The following IL12A variants were observed in gnomAD, a reference collection of about 807,000 sequenced individuals.
The protein encoded by IL12A is interleukin 12A, also known as interleukin-12 subunit alpha.
IL12A carries 16 observed loss-of-function variants against 23.5 expected under a neutral mutation model. That is an observed-to-expected ratio of 0.68 (90% CI 0.46 to 1.03). The LOEUF (loss-of-function observed/expected upper bound fraction) is 1.03. IL12A is among the 50% of genes least tolerant of loss of function. The pLI is 0.00. For missense variants in IL12A, 275 were observed against 307.0 expected (o/e 0.90, Z 0.78); for synonymous variants, 106 against 111.5 (o/e 0.95, Z 0.31).
rs1297077083 is a variant in IL12A, at chr3:159,993,041, C to A, written c.294C>A (p.Cys98Ter). 1 of 1,605,766 alleles carries A rather than the reference C, an allele frequency of 6.2e-7. No homozygotes were observed. The change falls in exon 3 of 7, where the codon TGC (cysteine) becomes TGA (stop). Residue 98 changes from cysteine (C) to a stop codon, truncating the protein, a stop_gained. Coordinates refer to ENST00000305579, the MANE Select transcript of IL12A (RefSeq NM_000882.4). LOFTEE classifies it high-confidence loss of function. Reference sequence around the variant, plus strand: ...GACAAACTCTAGAATTTTACCCTTGCACTTCTGAAGAGATTGATCATGAAG... The same window carrying A: ...GACAAACTCTAGAATTTTACCCTTGAACTTCTGAAGAGATTGATCATGAAG...
Position 159,993,843 on chromosome 3 carries a change from A to G in IL12A, c.605A>G (p.Gln202Arg), listed in dbSNP as rs538084986. 7.4e-6 allele frequency: 12 copies of G among 1,614,050 alleles called. No individual in the cohort carries two copies. The South Asian group carries it at 1.2e-4, about 16-fold the overall frequency. The change falls in exon 6 of 7, where the codon CAG becomes CGG. Residue 202 changes from glutamine (Q) to arginine (R), a missense_variant and splice_region_variant. Physicochemically the swap from Gln to Arg is conservative, Grantham distance 43 (BLOSUM62 1). Coordinates refer to ENST00000305579, the MANE Select transcript of IL12A (RefSeq NM_000882.4). Reference sequence around the variant, plus strand: ...CTGGCAGTTATTGATGAGCTGATGCAGGTAAGACTTCATTCTATCAGTGAG... The same window carrying G: ...CTGGCAGTTATTGATGAGCTGATGCGGGTAAGACTTCATTCTATCAGTGAG...
In IL12A at chr3:159,992,958, G is replaced by T. The variant is rs1474592997; in HGVS notation, c.265-54G>T. 2.8e-6 allele frequency: 3 copies of T among 1,071,154 alleles called. No individual in the cohort carries two copies. In the African/African-American group the frequency reaches 4.7e-5, roughly 17 times the overall value. 66.4% of individuals were successfully genotyped at this position (1,071,154 alleles called of 1,614,324 possible). A position where few individuals can be genotyped will look rare whatever the true frequency, so the allele number is the denominator to read the frequency against. The stretch of plus-strand genomic sequence containing the variant: ...CACCCTGGCTTACCAGCCTTGTGGG[G>T]TGCCAGGTGCATTATCAATGTTATA... On this transcript the variant is annotated intron_variant, in intron 2 of 6. Transcript: ENST00000305579.
chr3:159,992,265 C>T (rs1214103946), intron 2 of IL12A, among the ~76,000 whole-genome samples: 3 of 152,142 alleles, frequency 2.0e-5, no homozygotes, highest in African/African-American at 7.2e-5. Context: ...GCTTCATGCC[C>T]TTCTCACCAT....
chr3:159,994,292 A>T (rs980977866), intron 6 of IL12A: 1 of 156,112 alleles, frequency 6.4e-6, no homozygotes. Flanking sequence ...CAGTTTGCAT[A>T]TCTGCAAATA....
chr3:159,989,197 C>G, intron 1 of IL12A, 23 bp downstream of exon 1: 3 of 1,591,624 alleles, frequency 1.9e-6, no homozygotes, highest in Non-Finnish European at 2.6e-6. Context: ...CCCGCCAGGT[C>G]TTTGGCTCGC....
chr3:159,991,244 C>G (rs948247970), intron 2 of IL12A, among the ~76,000 whole-genome samples: 3 of 152,124 alleles, frequency 2.0e-5, no homozygotes, highest in African/African-American at 4.8e-5. Context: ...AGCTGACACC[C>G]CTACTCCCAG....
At chr3:159,994,587 TG>T (rs1403927703) in intron 6 of IL12A, among the ~76,000 whole-genome samples, 3 of 146,034 alleles carry the variant, frequency 2.1e-5, no homozygotes, top group Admixed American at 6.8e-5. Context: ...TTCGTGTGTG[TG>T]TGTGTGTGTG....
intron 6 of IL12A, among the ~76,000 whole-genome samples, chr3:159,994,826 G>T (rs992592655): frequency 6.6e-6 from 1 of 152,124 alleles, no homozygotes; most frequent in African/African-American, 2.4e-5. Context: ...ATAAAATGGG[G>T]TGACTTTATT....
intron 2 of IL12A, among the ~76,000 whole-genome samples, chr3:159,991,209 A>G (rs539366195): frequency 6.6e-6 from 1 of 152,316 alleles, no homozygotes; most frequent in Admixed American, 6.5e-5. Context: ...AGGTGCTCCA[A>G]TTCATATAGA....
intron 2 of IL12A, among the ~76,000 whole-genome samples, chr3:159,991,341 G>A (rs371427461): frequency 1.3e-4 from 20 of 152,198 alleles, no homozygotes; most frequent in African/African-American, 4.8e-4. Flanking sequence ...GAAAACAAAT[G>A]AGGTAGATGC....
intron 3 of IL12A, 153 bp downstream of exon 3, chr3:159,993,278 T>A: frequency 1.4e-6 from 1 of 738,686 alleles, no homozygotes; most frequent in Non-Finnish European, 2.2e-6. Flanking sequence ...AAAATTATTT[T>A]TAAAAAATGG....
chr3:159,990,278 A>G lies in IL12A; in HGVS notation c.230A>G (p.Asn77Ser). Residue 77 changes from asparagine to serine, a missense_variant, in exon 2 of 7, where the codon AAC becomes AGC. Coordinates refer to ENST00000305579, the MANE Select transcript of IL12A (RefSeq NM_000882.4). ...TTCCCATGCCTTCACCACTCCCAAA[A>G]CCTGCTGAGGGCCGTCAGCAACATG... The G allele has an allele frequency of 6.2e-7, 1 of 1,613,872 alleles. No individual in the cohort carries two copies. Among genetic ancestry groups the G allele is most frequent in the Non-Finnish European group, 8.5e-7 (1 of 1,179,948 alleles).
intron 5 of IL12A, 44 bp downstream of exon 5, chr3:159,993,653 T>G (rs778494399): frequency 7.4e-6 from 12 of 1,613,896 alleles, no homozygotes; most frequent in Non-Finnish European, 1.0e-5. Context: ...GGGGAAATGT[T>G]TTTAGCCCAT....
In IL12A at chr3:159,990,237, T is replaced by C. The variant is rs775473531; in HGVS notation, c.189T>C (p.Thr63=). The change falls in exon 2 of 7, where the codon ACT becomes ACC. Residue 63 remains threonine (T), a synonymous_variant. Coordinates refer to ENST00000305579, the MANE Select transcript of IL12A (RefSeq NM_000882.4). ...TGGCCAGAAACCTCCCCGTGGCCAC[T>C]CCAGACCCAGGAATGTTCCCATGCC... The C allele has an allele frequency of 8.7e-6, 14 of 1,613,996 alleles. No homozygotes were observed. The highest frequency in any genetic ancestry group is 4.5e-5 in the East Asian group (2 of 44,856).
chr3:159,991,592 A>C (rs564657188), intron 2 of IL12A, among the ~76,000 whole-genome samples: 2 of 152,328 alleles, frequency 1.3e-5, no homozygotes, highest in South Asian at 2.1e-4. Context: ...TAGTGTATTC[A>C]TTTCCTACTG....
At chr3:159,990,373 A>G (rs1320394018) in intron 2 of IL12A, 61 bp downstream of exon 2, 1 of 1,535,322 alleles carries the variant, frequency 6.5e-7, no homozygotes, top group Non-Finnish European at 9.0e-7. Context: ...GGGGCCTCTG[A>G]TCCTCCCCTC....
Position 159,989,037 on chromosome 3 carries a change from G to A in IL12A, c.-20G>A. The A allele has an allele frequency of 6.3e-7, 1 of 1,590,872 alleles. No homozygotes were observed. The highest frequency in any genetic ancestry group is 8.6e-7 in the Non-Finnish European group (1 of 1,159,210). On this transcript the variant is annotated 5_prime_UTR_variant, in exon 1 of 7. Transcript: ENST00000305579. ...CAGAGTCCCGGGAAAGTCCTGCCGC[G>A]CCTCGGGACAATTATAAAAATGTGG...
intron 6 of IL12A, 58 bp downstream of exon 6, chr3:159,993,902 G>T: frequency 6.4e-7 from 1 of 1,571,224 alleles, no homozygotes; most frequent in Non-Finnish European, 8.7e-7. Flanking sequence ...AACCAGCCAG[G>T]GTCTTTGATA....
intron 2 of IL12A, among the ~76,000 whole-genome samples, chr3:159,991,358 T>C (rs1720302447): frequency 6.6e-6 from 1 of 152,232 alleles, no homozygotes. Flanking sequence ...ATGCAAGTGA[T>C]TCACCGGCCA....
Sources: gnomAD v4.1 joint callset for allele counts (sites outside exome capture counted in the v4.1 genomes callset) on GRCh38, gnomAD v4.1.1 for gene constraint, MANE v1.5 for transcripts, NCBI Gene and HGNC (gene_info 2026-07-23, HGNC 2026-07-21) for gene names.